SENP1: variants seen among roughly 807,000 people sequenced by gnomAD.
SENP1 encodes the protein SUMO specific peptidase 1.
In SENP1, 21 loss-of-function variants were observed where a neutral mutation model predicts 93.0. The observed-to-expected ratio is 0.23, with a 90% CI of 0.16 to 0.33. SENP1 has a LOEUF of 0.33. Ranked by LOEUF, SENP1 falls within the 10% of genes least tolerant of loss-of-function variation. SENP1 has a pLI of 1.00. For synonymous variants in SENP1, 256 were observed against 259.6 expected, an observed-to-expected ratio of 0.99 and a Z score of 0.13; for missense variants, 591 against 758.7, an observed-to-expected ratio of 0.78 and a Z score of 2.60.
At chr12:48,097,957 ATAAT>A (rs746471543) in intron 3 of SENP1, 33 bp downstream of exon 3, 12 of 1,589,564 alleles carry the variant, frequency 7.5e-6, no homozygotes, top group Middle Eastern at 1.7e-4. Context: ...ATGAGCCCAA[ATAAT>A]TAATTAATTA....
In SENP1 at chr12:48,075,607, C is replaced by T. The variant is rs116693923; in HGVS notation, c.553-814G>A. Among the ~76,000 whole-genome samples the T allele has an allele frequency of 6.8e-3, 1,030 of 152,200 alleles. 14 individuals carry two copies. Among genetic ancestry groups the T allele is most frequent in the African/African-American group, 0.023 (944 of 41,498 alleles). On this transcript the variant is annotated intron_variant, in intron 6 of 17. Coordinates refer to ENST00000549518, the MANE Select transcript of SENP1 (RefSeq NM_001267594.2). ...CATGTATTTATTTTTCCTGTAAGAC[C>T]CAATACTACATTTAGTGAAAACCAT... is the stretch of plus-strand genomic sequence containing the variant.
chr12:48,052,577 C>A (rs1304764841), intron 13 of SENP1, among the ~76,000 whole-genome samples: 1 of 152,182 alleles, frequency 6.6e-6, no homozygotes, highest in African/African-American at 2.4e-5. Context: ...TGGTTCAGGT[C>A]ATTCACTCAC....
chr12:48,065,831 G>A (rs993075885), intron 10 of SENP1, among the ~76,000 whole-genome samples, 151 bp from the exon 11 acceptor site: 8 of 152,226 alleles, frequency 5.3e-5, no homozygotes. Flanking sequence ...GACATAGAGT[G>A]AAACCACATA....
chr12:48,072,814 T>C (rs967667757), intron 8 of SENP1, among the ~76,000 whole-genome samples: 5 of 152,130 alleles, frequency 3.3e-5, no homozygotes, highest in African/African-American at 1.2e-4. Flanking sequence ...GGAAAAAACA[T>C]GATGTATATA....
rs369237878 is a variant in SENP1, at chr12:48,105,781, G to GGAGA, written c.-45+243_-45+246dup. On this transcript the variant is annotated intron_variant, in intron 1 of 17. Coordinates refer to ENST00000549518, the MANE Select transcript of SENP1 (RefSeq NM_001267594.2). The stretch of plus-strand genomic sequence containing the variant: ...AGGGAGACGGTCTCTCCGCGGCCCA[G>GGAGA]GAGAGAGAGACCAGAAGGAACGGCC... The GGAGA allele has an allele frequency of 3.6e-5, 21 of 578,156 alleles. No homozygotes were observed. The Middle Eastern group carries it at 2.3e-3, about 64-fold the overall frequency. The allele number at this position is 578,156 out of a possible 1,614,324, so 35.8% of individuals were successfully genotyped here.
chr12:48,096,287 G>A, intron 4 of SENP1, 56 bp downstream of exon 4: 2 of 930,414 alleles, frequency 2.1e-6, no homozygotes, highest in East Asian at 2.5e-5. Flanking sequence ...TAAACGATAT[G>A]CTATCAAGAA....
intron 13 of SENP1, among the ~76,000 whole-genome samples, chr12:48,056,687 ATATATTATTTAATATAT>A (rs1942449550): frequency 2.2e-5 from 2 of 92,942 alleles, no homozygotes; most frequent in African/African-American, 9.7e-5. Context: ...ACATATATAA[ATATATTATTTAATATAT>A]TACATATTAC....
intron 6 of SENP1, chr12:48,080,108 C>T (rs1944403313): frequency 6.6e-6 from 1 of 152,178 alleles, no homozygotes; most frequent in East Asian, 1.9e-4. Context: ...CAAGTATTTT[C>T]TCTTTTCCAA....
chr12:48,104,396 C>T (rs1425904757), intron 1 of SENP1, among the ~76,000 whole-genome samples: 1 of 151,570 alleles, frequency 6.6e-6, no homozygotes, highest in African/African-American at 2.4e-5. Context: ...TCACCCTTTT[C>T]CAAGTTCTGA....
intron 13 of SENP1, among the ~76,000 whole-genome samples, chr12:48,057,322 C>G (rs576012349): frequency 1.2e-4 from 17 of 146,808 alleles, no homozygotes; most frequent in Admixed American, 1.1e-3. Flanking sequence ...CTCCACCTCC[C>G]AAGTTCAAGC....
chr12:48,093,640 T>A (rs541416448), intron 4 of SENP1, among the ~76,000 whole-genome samples: 1 of 151,202 alleles, frequency 6.6e-6, no homozygotes, highest in South Asian at 2.1e-4. Flanking sequence ...TTTTCAGAGG[T>A]TTTTGGATTT....
intron 10 of SENP1, among the ~76,000 whole-genome samples, chr12:48,066,192 G>C (rs1943280900): frequency 6.6e-6 from 1 of 152,164 alleles, no homozygotes. Context: ...TATCACTGAA[G>C]TTTAATTCAA....
rs774723983 is a variant in SENP1, at chr12:48,098,068, T to G, written c.61A>C (p.Asn21His). The G allele has an allele frequency of 6.2e-6, 10 of 1,613,634 alleles. No homozygotes were observed. The highest frequency in any genetic ancestry group is 7.6e-6 in the Non-Finnish European group (9 of 1,179,694). ...AGGAGGTGGGTTTTGAATACGGAGT[T>G]GTGGTTCACTAAAGTCACTTCTCCA... ...DAGEVTLVNH[N>H]SVFKTHLLPQ... Residue 21 changes from asparagine (N) to histidine (H), a missense_variant, in exon 3 of 18, where the codon AAC becomes CAC. Physicochemically the swap from Asn to His is moderately conservative, Grantham distance 68. Around this residue, in one of 4 missense-constraint regions of SENP1, gnomAD observed 214 missense variants for 243.4 expected, o/e 0.88. Coordinates refer to ENST00000549518, the MANE Select transcript of SENP1 (RefSeq NM_001267594.2).
chr12:48,044,993 T>G lies in SENP1; in HGVS notation c.*329A>C. 3.2e-6 allele frequency: 1 copy of G among 315,774 alleles called. No individual in the cohort carries two copies. Among genetic ancestry groups the G allele is most frequent in the Non-Finnish European group, 5.9e-6 (1 of 169,396 alleles). The allele number at this position is 315,774 out of a possible 1,614,324, so 19.6% of individuals were successfully genotyped here. On this transcript the variant is annotated 3_prime_UTR_variant, in exon 18 of 18. Coordinates refer to ENST00000549518, the MANE Select transcript of SENP1 (RefSeq NM_001267594.2). The stretch of plus-strand genomic sequence containing the variant: ...TATGAAACCAAGATTCTTTCCAAGC[T>G]TTTCTCAGTCCCATAATTAGGGACT...
chr12:48,076,643 C>CTTTTT (rs1000682233), intron 6 of SENP1, among the ~76,000 whole-genome samples: 5 of 117,536 alleles, frequency 4.3e-5, no homozygotes, highest in East Asian at 2.5e-4. Flanking sequence ...GTAGTTTTTG[C>CTTTTT]TTTTTTTTTT....
intron 5 of SENP1, among the ~76,000 whole-genome samples, chr12:48,084,678 C>T (rs1944723519): frequency 6.6e-6 from 1 of 152,026 alleles, no homozygotes; most frequent in South Asian, 2.1e-4. Flanking sequence ...GAACTCCTGA[C>T]CTCAGGTAAT....
intron 6 of SENP1, chr12:48,080,079 T>C (rs1367608622): frequency 1.3e-5 from 2 of 152,214 alleles, no homozygotes; most frequent in Non-Finnish European, 2.9e-5. Context: ...GTTTTTGCCA[T>C]TTTACATTTT....
chr12:48,047,959 A>C, intron 15 of SENP1, 42 bp downstream of exon 15: 1 of 1,311,964 alleles, frequency 7.6e-7, no homozygotes, highest in Non-Finnish European at 1.1e-6. Context: ...AACACCACCT[A>C]TACCCGATAT....
intron 17 of SENP1, 140 bp from the exon 18 acceptor site, chr12:48,045,524 G>T: frequency 7.6e-6 from 5 of 655,112 alleles, no homozygotes; most frequent in South Asian, 2.1e-5. Flanking sequence ...ATTCATTCTT[G>T]GTTACATGTA....
Sources: gnomAD v4.1 joint callset for allele counts (sites outside exome capture counted in the v4.1 genomes callset) on GRCh38, gnomAD v4.1.1 for gene constraint, gnomAD v4.1.1 regional missense constraint, MANE v1.5 for transcripts, NCBI Gene and HGNC (gene_info 2026-07-23, HGNC 2026-07-21) for gene names.